The following GALNTL6 variants were observed in gnomAD, a reference collection of about 807,000 sequenced individuals.
GALNTL6 encodes polypeptide N-acetylgalactosaminyltransferase-like 6.
In GALNTL6, 46 loss-of-function variants were observed where a neutral mutation model predicts 73.7. The observed-to-expected ratio is 0.62, with a 90% CI of 0.49 to 0.80. The LOEUF is 0.80. Among genes scored for constraint, GALNTL6 ranks in the 30% least tolerant of loss-of-function variants. The pLI, the probability that GALNTL6 is intolerant of heterozygous loss-of-function variation, is 0.00. For synonymous variants in GALNTL6, 259 were observed against 263.7 expected (o/e 0.98, Z 0.17); for missense variants, 604 against 755.0 (o/e 0.80, Z 2.34).
intron 2 of GALNTL6, among the ~76,000 whole-genome samples, chr4:172,048,730 TTTTTATTTTA>T (rs199772411): frequency 3.3e-5 from 5 of 151,908 alleles, no homozygotes; most frequent in East Asian, 1.9e-4. Flanking sequence ...AGTTTTTCAT[TTTTTATTTTA>T]TTTTATTTTA....
intron 5 of GALNTL6, among the ~76,000 whole-genome samples, chr4:172,401,009 A>T (rs1019951424): frequency 1.3e-5 from 2 of 152,188 alleles, no homozygotes; most frequent in African/African-American, 4.8e-5. Context: ...TAGCACAGAG[A>T]AGATAGAAAA....
intron 2 of GALNTL6, among the ~76,000 whole-genome samples, chr4:172,162,664 C>T (rs1394622590): frequency 6.6e-6 from 1 of 151,934 alleles, no homozygotes; most frequent in South Asian, 2.1e-4. Flanking sequence ...GATCTTGTGG[C>T]TATAGATAAT....
intron 10 of GALNTL6, among the ~76,000 whole-genome samples, chr4:172,987,232 T>A (rs937019377): frequency 6.6e-6 from 1 of 152,116 alleles, no homozygotes; most frequent in African/African-American, 2.4e-5. Flanking sequence ...CAGTTCAGCA[T>A]GGCGGGGAGG....
chr4:171,936,422 T>C (rs1738346842), intron 2 of GALNTL6, among the ~76,000 whole-genome samples: 1 of 152,192 alleles, frequency 6.6e-6, no homozygotes, highest in Non-Finnish European at 1.5e-5. Flanking sequence ...AAGGAATGCA[T>C]ACTTCGTATG....
intron 2 of GALNTL6, among the ~76,000 whole-genome samples, chr4:171,822,301 C>A (rs1365046818): frequency 6.6e-6 from 1 of 152,146 alleles, no homozygotes; most frequent in African/African-American, 2.4e-5. Flanking sequence ...TGTGCCTGTT[C>A]TTCTTATAAA....
At chr4:172,147,337 C>T (rs187950556) in intron 2 of GALNTL6, among the ~76,000 whole-genome samples, 4 of 152,298 alleles carry the variant, frequency 2.6e-5, no homozygotes, top group African/African-American at 7.2e-5. Context: ...TTCTCATTAT[C>T]GCTTAAGGTA....
intron 5 of GALNTL6, among the ~76,000 whole-genome samples, chr4:172,741,274 G>A (rs1347299877): frequency 5.9e-5 from 9 of 152,064 alleles, no homozygotes; most frequent in Admixed American, 2.6e-4. Context: ...TCTCTGAAGG[G>A]ATATTATGAA....
intron 2 of GALNTL6, among the ~76,000 whole-genome samples, chr4:171,899,317 T>C (rs1335867661): frequency 6.6e-6 from 1 of 152,098 alleles, no homozygotes; most frequent in Admixed American, 6.5e-5. Flanking sequence ...ATTCAAAGTA[T>C]TTCAGTCTTC....
chr4:172,030,240 A>T (rs1741726410), intron 2 of GALNTL6, among the ~76,000 whole-genome samples: 2 of 152,116 alleles, frequency 1.3e-5, no homozygotes. Flanking sequence ...TATTTCACCT[A>T]TCTAATCTAA....
intron 2 of GALNTL6, among the ~76,000 whole-genome samples, chr4:171,937,741 T>C (rs976155716): frequency 6.6e-5 from 10 of 152,166 alleles, no homozygotes; most frequent in African/African-American, 2.2e-4. Context: ...AATGGTTACA[T>C]AGGCAAATGA....
At chr4:171,830,461 C>G (rs559645174) in intron 2 of GALNTL6, among the ~76,000 whole-genome samples, 1 of 152,164 alleles carries the variant, frequency 6.6e-6, no homozygotes, top group Non-Finnish European at 1.5e-5. Context: ...AAAAAGTTGT[C>G]TTTTACATAT....
At chr4:172,710,279 CTATT>C (rs958189578) in intron 5 of GALNTL6, among the ~76,000 whole-genome samples, 4 of 152,014 alleles carry the variant, frequency 2.6e-5, no homozygotes, top group South Asian at 2.1e-4. Context: ...TGATTCACAT[CTATT>C]TATTTATCAT....
chr4:172,742,411 C>T lies in GALNTL6; in HGVS notation c.554-66950C>T, dbSNP rs1182405103. Among the ~76,000 whole-genome samples the T allele has an allele frequency of 2.0e-5, 3 of 151,210 alleles. No homozygotes were observed. The East Asian group carries it at 5.8e-4, about 29-fold the overall frequency. On this transcript the variant is annotated intron_variant, in intron 5 of 12. Coordinates refer to ENST00000506823, the MANE Select transcript of GALNTL6 (RefSeq NM_001034845.3). ...CCAATCACCCCAGCCTGTAAAGTAC[C>T]TCTCTTCTTTGCCTACTAGATCTGT...
chr4:171,990,126 A>G (rs575676020), intron 2 of GALNTL6, among the ~76,000 whole-genome samples: 2 of 152,262 alleles, frequency 1.3e-5, no homozygotes, highest in East Asian at 3.9e-4. Flanking sequence ...CCTGGGGAGA[A>G]GGCTTATAAC....
chr4:172,812,968 T>C (rs761329882), intron 6 of GALNTL6, among the ~76,000 whole-genome samples: 8 of 152,054 alleles, frequency 5.3e-5, no homozygotes, highest in Non-Finnish European at 1.0e-4. Context: ...ATCAACAGAG[T>C]TTAGCTTCAA....
At chr4:172,781,802 AC>A (rs1739382146) in intron 5 of GALNTL6, among the ~76,000 whole-genome samples, 2 of 152,092 alleles carry the variant, frequency 1.3e-5, no homozygotes, top group Admixed American at 6.5e-5. Context: ...TAATTGGGAA[AC>A]ATTTTTACCC....
At chr4:171,906,227 C>G (rs1178398098) in intron 2 of GALNTL6, among the ~76,000 whole-genome samples, 4 of 149,276 alleles carry the variant, frequency 2.7e-5, no homozygotes, top group Non-Finnish European at 4.5e-5. Context: ...AAAGGATCAA[C>G]AAAATTGATA....
At chr4:172,011,410 G>T (rs1296441529) in intron 2 of GALNTL6, among the ~76,000 whole-genome samples, 1 of 152,072 alleles carries the variant, frequency 6.6e-6, no homozygotes, top group Non-Finnish European at 1.5e-5. Flanking sequence ...TGTCCTAAAA[G>T]TCTGTGACTT....
chr4:172,127,432 C>T (rs557417916), intron 2 of GALNTL6, among the ~76,000 whole-genome samples: 90 of 152,320 alleles, frequency 5.9e-4, no homozygotes, highest in African/African-American at 1.8e-3. Context: ...CTGGTGCATT[C>T]GGCCCATCAC....
Sources: gnomAD v4.1 joint callset for allele counts (sites outside exome capture counted in the v4.1 genomes callset) on GRCh38, gnomAD v4.1.1 for gene constraint, MANE v1.5 for transcripts, NCBI Gene and HGNC (gene_info 2026-07-23, HGNC 2026-07-21) for gene names.